The following SAMD4A variants were observed in gnomAD, a reference collection of about 807,000 sequenced individuals.
The protein encoded by SAMD4A is protein Smaug homolog 1.
In SAMD4A, 33 loss-of-function variants were observed where a neutral mutation model predicts 81.3. That is an observed-to-expected ratio of 0.41 (90% CI 0.31 to 0.54). The LOEUF (loss-of-function observed/expected upper bound fraction) is 0.54, where lower values mean the gene tolerates loss of function less well. SAMD4A is among the 20% of genes least tolerant of loss of function. The probability of loss-of-function intolerance (pLI) is 0.37; values close to 1 mark genes in which losing one functional copy is unlikely to be tolerated. For missense variants in SAMD4A, 854 were observed against 951.1 expected (o/e 0.90, Z 1.34); for synonymous variants, 389 against 382.1 (o/e 1.02, Z -0.21).
At chr14:54,642,750 C>G (rs550092639) in intron 2 of SAMD4A, among the ~76,000 whole-genome samples, 2 of 152,092 alleles carry the variant, frequency 1.3e-5, no homozygotes, top group Admixed American at 6.6e-5. Flanking sequence ...GAGAGTCGGA[C>G]GAAGAGAAAA....
intron 2 of SAMD4A, among the ~76,000 whole-genome samples, chr14:54,580,006 A>G (rs186055983): frequency 4.3e-4 from 65 of 152,338 alleles, no homozygotes; most frequent in Non-Finnish European, 7.2e-4. Context: ...TACAGTTGGT[A>G]TAAGAGTGAG....
At chr14:54,665,603 T>G (rs948946339) in intron 2 of SAMD4A, among the ~76,000 whole-genome samples, 3 of 152,210 alleles carry the variant, frequency 2.0e-5, no homozygotes, top group African/African-American at 7.2e-5. Flanking sequence ...CTTTTGCCTG[T>G]CAGGGCATAG....
At chr14:54,565,936 GA>G (rs1435213583), upstream of SAMD4A, among the ~76,000 whole-genome samples, 2 of 151,434 alleles carry the variant, frequency 1.3e-5, no homozygotes, top group Admixed American at 1.3e-4. This position sits in a 1 kb window ranked among gnomAD's most constrained non-coding sequence, Gnocchi z 5.4. Flanking sequence ...CCCCACTTAG[GA>G]ATCCGTCCCC....
intron 6 of SAMD4A, among the ~76,000 whole-genome samples, chr14:54,757,344 A>G (rs1332538053): frequency 6.6e-6 from 1 of 150,874 alleles, no homozygotes; most frequent in Non-Finnish European, 1.5e-5. Context: ...TTTTATAGAA[A>G]GTGTCCAACA....
chr14:54,783,384 A>G (rs2039051198), intron 11 of SAMD4A, among the ~76,000 whole-genome samples: 1 of 152,134 alleles, frequency 6.6e-6, no homozygotes, highest in Admixed American at 6.5e-5. Context: ...AGGCCTGCGG[A>G]GGTGCTGACA....
chr14:54,639,781 G>A (rs2035127043), intron 2 of SAMD4A, among the ~76,000 whole-genome samples: 1 of 140,762 alleles, frequency 7.1e-6, no homozygotes, highest in Non-Finnish European at 1.5e-5. Flanking sequence ...TGTTCTGAAT[G>A]TCAAGTCAGC....
chr14:54,755,839 A>G (rs1366378617), intron 6 of SAMD4A, among the ~76,000 whole-genome samples: 1 of 152,176 alleles, frequency 6.6e-6, no homozygotes, highest in Non-Finnish European at 1.5e-5. Context: ...ATGTGCTTTT[A>G]TTCACCATCC....
chr14:54,589,272 G>T (rs765523973), intron 2 of SAMD4A, among the ~76,000 whole-genome samples: 2 of 152,156 alleles, frequency 1.3e-5, no homozygotes, highest in Admixed American at 1.3e-4. Context: ...GATGAGGATG[G>T]AAACAGTGAC....
intron 2 of SAMD4A, among the ~76,000 whole-genome samples, chr14:54,587,562 T>A (rs1249616294): frequency 6.6e-6 from 1 of 152,162 alleles, no homozygotes; most frequent in East Asian, 1.9e-4. Flanking sequence ...GGCTGTGGCT[T>A]CTATGCCAAT....
intron 2 of SAMD4A, among the ~76,000 whole-genome samples, chr14:54,676,543 AT>A (rs112299860): frequency 0.33 from 48,412 of 147,670 alleles, 9,093 homozygotes; most frequent in East Asian, 0.63. Context: ...CACCCAGCTA[AT>A]TTTTTTTTTT....
chr14:54,634,751 GTCTGTCTGTCTA>G (rs1250534191), intron 2 of SAMD4A, among the ~76,000 whole-genome samples: 57 of 107,756 alleles, frequency 5.3e-4, no homozygotes, highest in South Asian at 2.2e-3. Context: ...CTGTCTGTCT[GTCTGTCTGTCTA>G]TCTATCTATC....
chr14:54,657,584 G>A (rs527330868), intron 2 of SAMD4A, among the ~76,000 whole-genome samples: 45 of 152,310 alleles, frequency 3.0e-4, no homozygotes, highest in African/African-American at 1.1e-3. Flanking sequence ...CTACTAAAGA[G>A]TATTGCATCC....
intron 10 of SAMD4A, among the ~76,000 whole-genome samples, chr14:54,776,142 G>A (rs1264837369): frequency 2.6e-5 from 4 of 151,736 alleles, no homozygotes; most frequent in Non-Finnish European, 4.4e-5. Flanking sequence ...CAACAAATGC[G>A]ATAAAAAGAG....
At chr14:54,613,673 T>G (rs891232390) in intron 2 of SAMD4A, among the ~76,000 whole-genome samples, 7 of 152,354 alleles carry the variant, frequency 4.6e-5, no homozygotes, top group Non-Finnish European at 7.3e-5. Flanking sequence ...CTTCTATCCC[T>G]TCTTTGCAAG....
chr14:54,760,371 C>A lies in SAMD4A; in HGVS notation c.1387C>A (p.Pro463Thr). Residue 463 changes from proline to threonine, a missense_variant, in exon 7 of 13, where the codon CCC becomes ACC. Pro to Thr is a conservative substitution (Grantham distance 38, BLOSUM62 -1). Transcript: ENST00000554335. The stretch of plus-strand genomic sequence containing the variant: ...CGCAGCCACTGGCGCCACGGCCACC[C>A]CCTCGGCCGGGGCCAGCGGGGGGCT... ...GAAATGATAT[P>T]SAGASGGLQP... 1 of 1,556,476 alleles carries A rather than the reference C, an allele frequency of 6.4e-7. No homozygotes were observed. Among genetic ancestry groups the A allele is most frequent in the Non-Finnish European group, 8.6e-7 (1 of 1,160,470 alleles).
At chr14:54,734,787 A>G (rs139988995) in intron 3 of SAMD4A, among the ~76,000 whole-genome samples, 2,456 of 152,368 alleles carry the variant, frequency 0.016, 33 homozygotes, top group Middle Eastern at 0.099. Context: ...CTCAGCATCC[A>G]TGTGAAGATG....
chr14:54,640,014 T>A (rs1040925801), intron 2 of SAMD4A, among the ~76,000 whole-genome samples: 2 of 142,752 alleles, frequency 1.4e-5, no homozygotes, highest in Non-Finnish European at 3.1e-5. Flanking sequence ...AACCAAAATA[T>A]CTATGTTTGA....
intron 2 of SAMD4A, among the ~76,000 whole-genome samples, chr14:54,684,967 G>A (rs1224440846): frequency 2.6e-5 from 4 of 152,212 alleles, no homozygotes; most frequent in Admixed American, 6.5e-5. Flanking sequence ...GAGGAGGGTG[G>A]CCAGGAAGCT....
chr14:54,639,438 C>T (rs1373722519), intron 2 of SAMD4A, among the ~76,000 whole-genome samples: 2 of 152,160 alleles, frequency 1.3e-5, no homozygotes, highest in Admixed American at 1.3e-4. Flanking sequence ...AGTTCTCTCT[C>T]AACTAAGGCA....
Sources: allele counts gnomAD v4.1 joint callset (sites outside exome capture counted in the v4.1 genomes callset), GRCh38; gene constraint gnomAD v4.1.1; non-coding constraint Gnocchi (gnomAD v3.1); transcripts MANE v1.5; gene names NCBI Gene and HGNC (gene_info 2026-07-23, HGNC 2026-07-21).